Variants in TMEM132B observed in about 807,000 individuals in gnomAD.
TMEM132B encodes the protein transmembrane protein 132B.
Under a neutral mutation model 90.8 loss-of-function variants are expected in TMEM132B, and 18 were observed. The ratio of observed to expected loss-of-function variants is 0.20; its 90% CI spans 0.14 to 0.29. The LOEUF (loss-of-function observed/expected upper bound fraction) is 0.29, where lower values mean the gene tolerates loss of function less well. Ranked by LOEUF, TMEM132B falls within the 10% of genes least tolerant of loss-of-function variation. The pLI is 1.00. For missense variants in TMEM132B, 1,096 were observed against 1,326.8 expected, an observed-to-expected ratio of 0.83 and a Z score of 2.70; for synonymous variants, 504 against 523.3, an observed-to-expected ratio of 0.96 and a Z score of 0.50.
intron 1 of TMEM132B, among the ~76,000 whole-genome samples, chr12:125,303,293 C>T (rs1438833407): frequency 6.6e-6 from 1 of 152,078 alleles, no homozygotes; most frequent in African/African-American, 2.4e-5. Flanking sequence ...TAATGTTTTC[C>T]AGGCTCATGC....
intron 1 of TMEM132B, among the ~76,000 whole-genome samples, chr12:125,275,697 T>A (rs35814257): frequency 0.094 from 14,280 of 152,168 alleles, 917 homozygotes; most frequent in Non-Finnish European, 0.14. Context: ...TTATCTTGCA[T>A]CCTTGGAAAC....
intron 2 of TMEM132B, among the ~76,000 whole-genome samples, chr12:125,409,960 TGGAG>T (rs2136340849): frequency 2.6e-4 from 1 of 3,818 alleles, no homozygotes. Context: ...TGGAGTGGAG[TGGAG>T]GAGTGGAGTG....
chr12:125,463,084 C>T (rs1881481572), intron 3 of TMEM132B, among the ~76,000 whole-genome samples: 1 of 152,162 alleles, frequency 6.6e-6, no homozygotes, highest in Non-Finnish European at 1.5e-5. Flanking sequence ...ATTTATCTCT[C>T]AAATATTAAG....
intron 3 of TMEM132B, among the ~76,000 whole-genome samples, chr12:125,494,535 G>A (rs1882472780): frequency 9.5e-6 from 1 of 105,412 alleles, no homozygotes; most frequent in African/African-American, 3.8e-5. Flanking sequence ...CCCTGGAAAT[G>A]GCTGTGTCCC....
chr12:125,255,928 C>T (rs952434551), intron 1 of TMEM132B, among the ~76,000 whole-genome samples: 2 of 152,054 alleles, frequency 1.3e-5, no homozygotes, highest in Non-Finnish European at 2.9e-5. Flanking sequence ...TTCACCTGGG[C>T]CCTGTTTTAT....
intron 3 of TMEM132B, among the ~76,000 whole-genome samples, chr12:125,469,779 A>G (rs547307692): frequency 6.6e-6 from 1 of 152,338 alleles, no homozygotes; most frequent in South Asian, 2.1e-4. Flanking sequence ...GCTGTAACAT[A>G]AAAGTATTCT....
intron 3 of TMEM132B, among the ~76,000 whole-genome samples, chr12:125,448,319 T>G (rs985993096): frequency 6.6e-6 from 1 of 152,278 alleles, no homozygotes; most frequent in East Asian, 1.9e-4. Context: ...ATCAACTAGA[T>G]GCAGAATAGT....
chr12:125,282,222 C>G (rs1341346366), intron 1 of TMEM132B, among the ~76,000 whole-genome samples: 1 of 152,052 alleles, frequency 6.6e-6, no homozygotes, highest in Non-Finnish European at 1.5e-5. Flanking sequence ...AAACCCTTTG[C>G]TGCACTCACA....
Position 125,508,297 on chromosome 12 carries a change from C to T in TMEM132B, c.1107-11142C>T, listed in dbSNP as rs371901058. Among the ~76,000 whole-genome samples, 236 of 152,240 alleles carry T rather than the reference C, an allele frequency of 1.6e-3. 1 individual carries two copies. Among genetic ancestry groups the T allele is most frequent in the African/African-American group, 5.6e-3 (232 of 41,546 alleles). On this transcript the variant is annotated intron_variant, in intron 3 of 8. Transcript: ENST00000682704. ...ATCTAGTGTTCTGCAGGAAGTTCAT[C>T]TTGGGCCTGATCTTTGTAGGTCAGC...
At position 125,281,257 on chromosome 12, in the gene TMEM132B, G is replaced by GGGGACT. The variant is rs200357741; in HGVS notation, c.68-68191_68-68186dup. Reference sequence around the variant, plus strand: ...TGGGCCAGGGCAGGCAGGGAAGCCCGGGGACTGGGGCGGGCGATTGAGGAA... The same window carrying GGGGACT: ...TGGGCCAGGGCAGGCAGGGAAGCCCGGGGACTGGGACTGGGGCGGGCGATTGAGGAA... On this transcript the variant is annotated intron_variant, in intron 1 of 8. Transcript: ENST00000682704. Among the ~76,000 whole-genome samples the GGGGACT allele has an allele frequency of 9.3e-3, 1,413 of 152,304 alleles. 73 individuals are homozygous for GGGGACT. The highest frequency in any genetic ancestry group is 1.9e-3 in the Non-Finnish European group (128 of 68,016).
At chr12:125,567,189 G>T (rs1409570905) in intron 4 of TMEM132B, among the ~76,000 whole-genome samples, 1 of 152,106 alleles carries the variant, frequency 6.6e-6, no homozygotes, top group Non-Finnish European at 1.5e-5. Flanking sequence ...TGGCTGACTT[G>T]CTAGTTCTCA....
chr12:125,374,257 G>T (rs1195815488), intron 2 of TMEM132B, among the ~76,000 whole-genome samples: 1 of 152,178 alleles, frequency 6.6e-6, no homozygotes, highest in Non-Finnish European at 1.5e-5. Context: ...GCAAAAGGAA[G>T]GGTTATTACC....
intron 5 of TMEM132B, among the ~76,000 whole-genome samples, chr12:125,628,078 C>T (rs976399089): frequency 6.6e-6 from 1 of 152,082 alleles, no homozygotes; most frequent in Non-Finnish European, 1.5e-5. Flanking sequence ...GCTTCCAAAT[C>T]TTGGCTATTG....
chr12:125,472,662 C>T (rs1881754291), intron 3 of TMEM132B, among the ~76,000 whole-genome samples: 1 of 152,210 alleles, frequency 6.6e-6, no homozygotes, highest in South Asian at 2.1e-4. Flanking sequence ...GAGGGCCCCA[C>T]CCTCATGCAT....
intron 1 of TMEM132B, among the ~76,000 whole-genome samples, chr12:125,241,997 G>A (rs1874080348): frequency 6.6e-6 from 1 of 152,166 alleles, no homozygotes; most frequent in Admixed American, 6.5e-5. Flanking sequence ...CCAGCATGTA[G>A]CAGGTCCTCC....
chr12:125,311,186 T>C (rs1876114603), intron 1 of TMEM132B, among the ~76,000 whole-genome samples: 3 of 152,172 alleles, frequency 2.0e-5, no homozygotes, highest in Admixed American at 2.0e-4. Context: ...TTACGGATGC[T>C]CCTGGCTCAC....
intron 1 of TMEM132B, among the ~76,000 whole-genome samples, chr12:125,348,820 T>C (rs1877454967): frequency 6.6e-6 from 1 of 152,200 alleles, no homozygotes; most frequent in Admixed American, 6.5e-5. Flanking sequence ...CATATGTTCT[T>C]AAGTTTGTTT....
chr12:125,196,474 G>C (rs1165016849), intron 1 of TMEM132B, among the ~76,000 whole-genome samples: 1 of 152,182 alleles, frequency 6.6e-6, no homozygotes, highest in African/African-American at 2.4e-5. Flanking sequence ...TTGGGAGGCC[G>C]AGGTGGGTGG....
rs932223869 is a variant in TMEM132B at position 125,441,585 on chromosome 12, C to A, written c.1106+25908C>A. Among the ~76,000 whole-genome samples, 7 of 152,160 alleles carry A rather than the reference C, an allele frequency of 4.6e-5. No individual in the cohort carries two copies. The East Asian group carries it at 1.3e-3, about 29-fold the overall frequency. On this transcript the variant is annotated intron_variant, in intron 3 of 8. Coordinates refer to ENST00000682704, the MANE Select transcript of TMEM132B (RefSeq NM_001366854.1). The stretch of plus-strand genomic sequence containing the variant: ...CTCACTTTGAAGTTATCTGCTGGCC[C>A]CTCCAGGCCCTTAGGTCCCTCCCAC...
Sources: gnomAD v4.1 joint callset for allele counts (sites outside exome capture counted in the v4.1 genomes callset) on GRCh38, gnomAD v4.1.1 for gene constraint, MANE v1.5 for transcripts, NCBI Gene and HGNC (gene_info 2026-07-23, HGNC 2026-07-21) for gene names.